PTBP3: variants seen among roughly 807,000 people sequenced by gnomAD.
PTBP3 encodes polypyrimidine tract-binding protein 3.
PTBP3 carries 20 observed loss-of-function variants against 58.7 expected under a neutral mutation model. That is an observed-to-expected ratio of 0.34 (90% CI 0.24 to 0.50). PTBP3 has a LOEUF of 0.50. Among genes scored for constraint, PTBP3 ranks in the 20% least tolerant of loss-of-function variants. The probability of loss-of-function intolerance (pLI) is 0.98; values close to 1 mark genes in which losing one functional copy is unlikely to be tolerated. For missense variants in PTBP3, 509 were observed against 637.2 expected, an observed-to-expected ratio of 0.80 and a Z score of 2.17; for synonymous variants, 185 against 219.8, an observed-to-expected ratio of 0.84 and a Z score of 1.40.
At chr9:112,355,477 A>C in the PTBP3 span, among the ~76,000 whole-genome samples, 2 of 152,188 alleles carry the variant, frequency 1.3e-5, no homozygotes, top group Non-Finnish European at 2.9e-5. Context: ...TTTCTCATGC[A>C]AAGGAAGTTC....
chr9:112,221,073 A>C lies in PTBP3; in HGVS notation c.*2778T>G. The C allele has an allele frequency of 1.0e-6, 1 of 984,718 alleles. No homozygotes were observed. The highest frequency in any genetic ancestry group is 4.7e-5 in the South Asian group (1 of 21,286). The allele number at this position is 984,718 out of a possible 1,614,324, so 61.0% of individuals were successfully genotyped here. A position where few individuals can be genotyped will look rare whatever the true frequency, so the allele number is the denominator to read the frequency against. On this transcript the variant is annotated 3_prime_UTR_variant, in exon 14 of 14. Coordinates refer to ENST00000374257, the MANE Select transcript of PTBP3 (RefSeq NM_001163788.4). ...CTATAATTCAAACAGCAAATAGCTT[A>C]ATATGGACAACATCCATGTGCTACA...
chr9:112,312,433 G>A (rs1300636451), intron 1 of PTBP3, among the ~76,000 whole-genome samples: 1 of 150,572 alleles, frequency 6.6e-6, no homozygotes, highest in Non-Finnish European at 1.5e-5. Flanking sequence ...GGAGATCAAG[G>A]CTGCTGTGAT....
intron 1 of PTBP3, among the ~76,000 whole-genome samples, chr9:112,307,334 G>GTCCC (rs1829263573): frequency 6.6e-6 from 1 of 152,074 alleles, no homozygotes; most frequent in African/African-American, 2.4e-5. Context: ...CACACCTGTA[G>GTCCC]TCCCAGCTAC....
intron 12 of PTBP3, among the ~76,000 whole-genome samples, chr9:112,225,333 C>CTGAA (rs56268303): frequency 2.6e-5 from 4 of 151,482 alleles, no homozygotes; most frequent in African/African-American, 9.7e-5. Context: ...AATGAAAATA[C>CTGAA]CTTACTTCAA....
intron 8 of PTBP3, 48 bp downstream of exon 8, chr9:112,234,772 T>C: frequency 6.6e-7 from 1 of 1,521,128 alleles, no homozygotes; most frequent in Non-Finnish European, 9.1e-7. Context: ...TCCTAGAAAA[T>C]ATACAACTTC....
the PTBP3 span, among the ~76,000 whole-genome samples, chr9:112,341,664 T>C: frequency 6.6e-6 from 1 of 152,156 alleles, no homozygotes; most frequent in African/African-American, 2.4e-5. Flanking sequence ...CACTTGTAGG[T>C]CTAGATATCA....
At chr9:112,366,256 T>C in the PTBP3 span, among the ~76,000 whole-genome samples, 139 of 148,924 alleles carry the variant, frequency 9.3e-4, no homozygotes, top group African/African-American at 3.3e-3. Context: ...CACTCCAGCC[T>C]GGGCAATAGA....
chr9:112,246,489 T>C (rs1333684016), intron 7 of PTBP3, among the ~76,000 whole-genome samples: 1 of 151,062 alleles, frequency 6.6e-6, no homozygotes, highest in South Asian at 2.1e-4. Context: ...GGTCAGGAGA[T>C]TGAGACCATC....
intron 1 of PTBP3, among the ~76,000 whole-genome samples, chr9:112,320,293 T>A (rs61337621): frequency 0.12 from 3,904 of 33,230 alleles, 157 homozygotes; most frequent in East Asian, 0.33. Context: ...AAAAAAAAAA[T>A]ATATATATAT....
At chr9:112,352,095 T>C in the PTBP3 span, among the ~76,000 whole-genome samples, 1 of 151,964 alleles carries the variant, frequency 6.6e-6, no homozygotes, top group Non-Finnish European at 1.5e-5. Flanking sequence ...TTTTTAAATA[T>C]TTTTTTGTAG....
chr9:112,314,925 G>A (rs2418203), intron 1 of PTBP3, among the ~76,000 whole-genome samples: 5,315 of 150,424 alleles, frequency 0.035, 172 homozygotes, highest in African/African-American at 0.089. Context: ...TCCGCCTCCC[G>A]GGTTTACACC....
chr9:112,275,354 C>T (rs1375569820), intron 3 of PTBP3, among the ~76,000 whole-genome samples: 4 of 152,096 alleles, frequency 2.6e-5, no homozygotes, highest in Non-Finnish European at 4.4e-5. Flanking sequence ...AGGCTGATCT[C>T]GAACTCCTGA....
At chr9:112,348,740 C>T in the PTBP3 span, among the ~76,000 whole-genome samples, 2 of 152,222 alleles carry the variant, frequency 1.3e-5, no homozygotes, top group African/African-American at 4.8e-5. Flanking sequence ...CTCCGTCTCT[C>T]CCTATGCCTT....
chr9:112,333,412 C>G, intron 1 of PTBP3, 58 bp downstream of exon 1: 1 of 1,551,240 alleles, frequency 6.4e-7, no homozygotes, highest in African/African-American at 1.4e-5. Flanking sequence ...CCGCGGAGAG[C>G]CGGGTGGAAG....
At chr9:112,267,322 C>T (rs367628338) in intron 4 of PTBP3, among the ~76,000 whole-genome samples, 6 of 152,228 alleles carry the variant, frequency 3.9e-5, no homozygotes, top group African/African-American at 1.2e-4. Context: ...ACCGCCACCA[C>T]GCCCGGCTAA....
At chr9:112,332,871 G>C (rs191933478) in intron 1 of PTBP3, 6 of 1,609,474 alleles carry the variant, frequency 3.7e-6, no homozygotes, top group Non-Finnish European at 5.1e-6. Flanking sequence ...CCCTGGTGTC[G>C]AGAAAGCGTT....
intron 7 of PTBP3, among the ~76,000 whole-genome samples, chr9:112,249,352 A>C (rs1278063773): frequency 6.6e-6 from 1 of 152,158 alleles, no homozygotes; most frequent in Non-Finnish European, 1.5e-5. Flanking sequence ...AACAAATGTC[A>C]CTAAAAGTAA....
intron 2 of PTBP3, among the ~76,000 whole-genome samples, chr9:112,285,706 C>T (rs1828082337): frequency 6.6e-6 from 1 of 152,164 alleles, no homozygotes; most frequent in Non-Finnish European, 1.5e-5. Context: ...ATTTGAATTT[C>T]ATGAAAGTTT....
chr9:112,320,369 A>G (rs1319082508), intron 1 of PTBP3, among the ~76,000 whole-genome samples: 2 of 144,892 alleles, frequency 1.4e-5, no homozygotes, highest in African/African-American at 5.2e-5. Context: ...GCATATGTTA[A>G]TTAGCTTGAT....
Sources: allele counts gnomAD v4.1 joint callset (sites outside exome capture counted in the v4.1 genomes callset), GRCh38; gene constraint gnomAD v4.1.1; transcripts MANE v1.5; gene names NCBI Gene and HGNC (gene_info 2026-07-23, HGNC 2026-07-21).